RAB3IP: variants seen among roughly 807,000 people sequenced by gnomAD.
RAB3IP encodes rab-3A-interacting protein.
RAB3IP carries 36 observed loss-of-function variants against 59.1 expected under a neutral mutation model. That is an observed-to-expected ratio of 0.61 (90% confidence interval 0.47 to 0.80). RAB3IP has a LOEUF of 0.80. RAB3IP is among the 30% of genes least tolerant of loss of function. The pLI, the probability that RAB3IP is intolerant of heterozygous loss-of-function variation, is 0.00. For missense variants in RAB3IP, 511 were observed against 536.0 expected, an observed-to-expected ratio of 0.95 and a Z score of 0.46; for synonymous variants, 207 against 191.2, an observed-to-expected ratio of 1.08 and a Z score of -0.68.
At chr12:69,794,851 TTC>T (rs1362396718) in intron 5 of RAB3IP, among the ~76,000 whole-genome samples, 3 of 152,206 alleles carry the variant, frequency 2.0e-5, no homozygotes, top group Non-Finnish European at 4.4e-5. Flanking sequence ...AGGAGTGAAC[TTC>T]TACAACTAAT....
intron 3 of RAB3IP, among the ~76,000 whole-genome samples, chr12:69,766,806 A>G (rs1484473513): frequency 1.3e-5 from 2 of 152,094 alleles, no homozygotes; most frequent in Admixed American, 6.6e-5. Flanking sequence ...GATTACAGGC[A>G]TGAGCCACCA....
Position 69,813,869 on chromosome 12 carries a change from A to G in RAB3IP, c.1300+836A>G, listed in dbSNP as rs144119519. On this transcript the variant is annotated intron_variant, in intron 10 of 10. Transcript: ENST00000247833. ...ATGTAAAGCAGTGAATCTTAATTCT[A>G]TGGAGAAGTTAGTCACGCTGATAAA... Among the ~76,000 whole-genome samples, 248 of 152,030 alleles carry G rather than the reference A, an allele frequency of 1.6e-3. 2 individuals are homozygous for G. Among genetic ancestry groups the G allele is most frequent in the African/African-American group, 5.6e-3 (230 of 41,312 alleles).
upstream of RAB3IP, chr12:69,738,820 C>G (rs1886931376): frequency 1.3e-5 from 2 of 152,122 alleles, no homozygotes; most frequent in Admixed American, 6.6e-5. Flanking sequence ...CCGTGAGGAC[C>G]GGCCGCTCCC....
At chr12:69,769,434 G>A (rs1326930317) in intron 3 of RAB3IP, among the ~76,000 whole-genome samples, 1 of 152,190 alleles carries the variant, frequency 6.6e-6, no homozygotes, top group Non-Finnish European at 1.5e-5. Flanking sequence ...ACAGAGGGAA[G>A]TTCTCTGCCT....
chr12:69,783,553 G>A (rs1398248430), intron 3 of RAB3IP, among the ~76,000 whole-genome samples: 2 of 152,186 alleles, frequency 1.3e-5, no homozygotes. Context: ...ATGTTTGAGG[G>A]TTTAGAGCTT....
At chr12:69,764,752 C>G (rs1871922524) in intron 3 of RAB3IP, among the ~76,000 whole-genome samples, 1 of 151,926 alleles carries the variant, frequency 6.6e-6, no homozygotes, top group South Asian at 2.1e-4. Context: ...GCCATTTTAA[C>G]AATGTTGATT....
At chr12:69,778,602 G>A (rs1277440822) in intron 3 of RAB3IP, among the ~76,000 whole-genome samples, 5 of 13,876 alleles carry the variant, frequency 3.6e-4, no homozygotes, top group Non-Finnish European at 1.5e-4. Flanking sequence ...CGGTGTAGAT[G>A]TCCTTTCTGT....
intron 6 of RAB3IP, chr12:69,795,602 G>T: frequency 1.7e-6 from 1 of 574,226 alleles, no homozygotes; most frequent in Non-Finnish European, 3.1e-6. Context: ...AAACTGTCAT[G>T]TGTTGTCTAG....
chr12:69,766,789 G>A (rs188608054), intron 3 of RAB3IP, among the ~76,000 whole-genome samples: 5 of 152,098 alleles, frequency 3.3e-5, no homozygotes, highest in Admixed American at 6.5e-5. Context: ...GCCTCCCAAA[G>A]TGCTGGGATT....
chr12:69,747,327 TGTGTGAGA>T (rs1310163017), intron 1 of RAB3IP, among the ~76,000 whole-genome samples: 169 of 98,998 alleles, frequency 1.7e-3, no homozygotes, highest in Admixed American at 3.7e-3. Context: ...TGTGTGTGTG[TGTGTGAGA>T]GAGAGAGAGA....
chr12:69,770,895 C>T (rs1242951442), intron 3 of RAB3IP, among the ~76,000 whole-genome samples: 1 of 152,066 alleles, frequency 6.6e-6, no homozygotes, highest in African/African-American at 2.4e-5. Context: ...TTCTATTTTG[C>T]AATATATAAT....
intron 6 of RAB3IP, among the ~76,000 whole-genome samples, chr12:69,798,603 C>T (rs1161963079): frequency 6.6e-6 from 1 of 152,036 alleles, no homozygotes; most frequent in African/African-American, 2.4e-5. Context: ...CTTGCCCATG[C>T]CTATGTCCTG....
At position 69,820,416 on chromosome 12, in the gene RAB3IP, C is replaced by T. The variant is rs779621011; in HGVS notation, c.*4970C>T. The T allele has an allele frequency of 6.6e-6, 1 of 152,304 alleles. No individual in the cohort carries two copies. The highest frequency in any genetic ancestry group is 6.5e-5 in the Admixed American group (1 of 15,282). 9.4% of individuals were successfully genotyped at this position (152,304 alleles called of 1,614,324 possible). The stretch of plus-strand genomic sequence containing the variant: ...ATCATCTTTCACCTGAACTCCTGCA[C>T]TAATGTCTGCTGTCCTTGCATCCAC... On this transcript the variant is annotated 3_prime_UTR_variant, in exon 11 of 11. Transcript: ENST00000247833.
rs1291293516 is a variant in RAB3IP at position 69,808,462 on chromosome 12, C to T, written c.1131-4316C>T. 3.9e-5 allele frequency among the ~76,000 whole-genome samples: 6 copies of T among 152,130 alleles called. No individual in the cohort carries two copies. The East Asian group carries it at 7.7e-4, about 20-fold the overall frequency. On this transcript the variant is annotated intron_variant, in intron 8 of 10. Coordinates refer to ENST00000247833, the MANE Select transcript of RAB3IP (RefSeq NM_022456.5). ...GGATATCTTTGTTAACTTTCTGTCT[C>T]GTTGATCTGTGTTGACACAGTGGGG...
rs1298170546 is a variant in RAB3IP, at chr12:69,821,066, A to T, written c.*5620A>T. 6.6e-6 allele frequency: 1 copy of T among 152,190 alleles called. No homozygotes were observed. The highest frequency in any genetic ancestry group is 1.5e-5 in the Non-Finnish European group (1 of 68,042). The allele number at this position is 152,190 out of a possible 1,614,324, so 9.4% of individuals were successfully genotyped here. On this transcript the variant is annotated 3_prime_UTR_variant, in exon 11 of 11. Coordinates refer to ENST00000247833, the MANE Select transcript of RAB3IP (RefSeq NM_022456.5). ...CAGCTTCTCAAGGGAGCACAAGTTCACACACAGTTTACTTTTGGAGGAACG... is the reference window on the plus strand; with the variant it reads ...CAGCTTCTCAAGGGAGCACAAGTTCTCACACAGTTTACTTTTGGAGGAACG...
At chr12:69,793,490 A>G (rs1308524339) in intron 4 of RAB3IP, among the ~76,000 whole-genome samples, 1 of 152,160 alleles carries the variant, frequency 6.6e-6, no homozygotes, top group East Asian at 1.9e-4. Context: ...GATAAATTGT[A>G]AACTAAAGTT....
chr12:69,753,684 T>G (rs10735956), intron 1 of RAB3IP, among the ~76,000 whole-genome samples: 3 of 152,192 alleles, frequency 2.0e-5, no homozygotes, highest in African/African-American at 7.2e-5. Flanking sequence ...AAGATGTTAT[T>G]CACAACTGTC....
At chr12:69,769,891 C>T (rs1255439268) in intron 3 of RAB3IP, among the ~76,000 whole-genome samples, 1 of 152,052 alleles carries the variant, frequency 6.6e-6, no homozygotes, top group African/African-American at 2.4e-5. Flanking sequence ...TTTATCATTG[C>T]CTTCTTGTGT....
rs1173378900 is a variant in RAB3IP, at chr12:69,819,210, A to G, written c.*3764A>G. 6.6e-6 allele frequency: 1 copy of G among 152,198 alleles called. No homozygotes were observed. Among genetic ancestry groups the G allele is most frequent in the Non-Finnish European group, 1.5e-5 (1 of 68,024 alleles). 9.4% of individuals were successfully genotyped at this position (152,198 alleles called of 1,614,324 possible). ...TTATATGTGCCTTCATTCCAAAACA[A>G]AAAATAAAAGGTAAGAAAATTGTTG... is the stretch of plus-strand genomic sequence containing the variant. On this transcript the variant is annotated 3_prime_UTR_variant, in exon 11 of 11. Transcript: ENST00000247833.
Sources: gnomAD v4.1 joint callset for allele counts (sites outside exome capture counted in the v4.1 genomes callset) on GRCh38, gnomAD v4.1.1 for gene constraint, MANE v1.5 for transcripts, NCBI Gene and HGNC (gene_info 2026-07-23, HGNC 2026-07-21) for gene names.